The following CLDND1 variants were observed in gnomAD, a reference collection of about 807,000 sequenced individuals.
CLDND1 encodes the protein claudin domain containing 1.
Under a neutral mutation model 26.3 loss-of-function variants are expected in CLDND1, and 13 were observed. That is an observed-to-expected ratio of 0.49 (90% CI 0.32 to 0.78). The LOEUF (loss-of-function observed/expected upper bound fraction) is 0.78. Ranked by LOEUF, CLDND1 falls within the 30% of genes least tolerant of loss-of-function variation. CLDND1 has a pLI of 0.03. For synonymous variants in CLDND1, 107 were observed against 107.0 expected (o/e 1.00, Z 0.00); for missense variants, 289 against 312.8 (o/e 0.92, Z 0.57).
At chr3:98,520,975 T>G (rs139531675) in intron 2 of CLDND1, 158 bp downstream of exon 2, 90 of 644,282 alleles carry the variant, frequency 1.4e-4, no homozygotes, top group Middle Eastern at 4.2e-4. Context: ...TGCAAAGAAG[T>G]TGGGGAGAGA....
intron 2 of CLDND1, 173 bp downstream of exon 2, chr3:98,520,960 G>A (rs1020549117): frequency 1.8e-5 from 11 of 617,950 alleles, no homozygotes; most frequent in African/African-American, 1.5e-4. Flanking sequence ...TGAGTACCAT[G>A]GTAATGCAAA....
Position 98,516,833 on chromosome 3 carries a change from T to C in CLDND1, c.588A>G (p.Glu196=), listed in dbSNP as rs1310830271. The C allele has an allele frequency of 3.1e-6, 5 of 1,614,140 alleles. No homozygotes were observed. Among genetic ancestry groups the C allele is most frequent in the Non-Finnish European group, 4.2e-6 (5 of 1,180,010 alleles). The change falls in exon 5 of 5, where the codon GAA becomes GAG. Residue 196 remains glutamate (E), a synonymous_variant. Transcript: ENST00000341181. ...GSVSCYVAGI[E]LLHQKLELPD... ...GGAGCTCTAGTTTCTGGTGGAGTAGTTCAATTCCAGCAACATAACAACTTA... is the reference window on the plus strand; with the variant it reads ...GGAGCTCTAGTTTCTGGTGGAGTAGCTCAATTCCAGCAACATAACAACTTA...
chr3:98,520,336 C>A (rs1240338412), intron 2 of CLDND1, among the ~76,000 whole-genome samples: 1 of 152,078 alleles, frequency 6.6e-6, no homozygotes, highest in African/African-American at 2.4e-5. Context: ...ATCTTTTTTT[C>A]CAGATACAGT....
Position 98,516,860 on chromosome 3 carries a change from T to G in CLDND1, c.561A>C (p.Ser187=). 1 of 1,614,160 alleles carries G rather than the reference T, an allele frequency of 6.2e-7. No homozygotes were observed. Among genetic ancestry groups the G allele is most frequent in the East Asian group, 2.2e-5 (1 of 44,884 alleles). The change falls in exon 5 of 5, where the codon TCA becomes TCC. Residue 187 remains serine, a synonymous_variant. Coordinates refer to ENST00000341181, the MANE Select transcript of CLDND1 (RefSeq NM_001040181.2). ...HLLAGLCTLG[S]VSCYVAGIEL... ...CAATTCCAGCAACATAACAACTTAC[T>G]GAGCCCAGTGTACACAGACCTTGGG...
rs1000180428 is a variant in CLDND1 at position 98,522,687 on chromosome 3, C to G, written c.-19+162G>C. 1.1e-4 allele frequency: 159 copies of G among 1,463,088 alleles called. 1 individual carries two copies. In the Middle Eastern group the frequency reaches 1.5e-3, roughly 14 times the overall value. 90.6% of individuals were successfully genotyped at this position (1,463,088 alleles called of 1,614,324 possible). A position where few individuals can be genotyped will look rare whatever the true frequency, so the allele number is the denominator to read the frequency against. ...GGCCCCGGGCCAGGGTCCCCCGGTA[C>G]CCGACCAGGCCCCGCCCTAGAGGGC... On this transcript the variant is annotated intron_variant, in intron 1 of 4. Transcript: ENST00000341181.
chr3:98,516,576 T>G lies in CLDND1; in HGVS notation c.*83A>C, dbSNP rs1305743595. 6.8e-7 allele frequency: 1 copy of G among 1,471,152 alleles called. No homozygotes were observed. The highest frequency in any genetic ancestry group is 2.6e-5 in the Admixed American group (1 of 37,876). 91.1% of individuals were successfully genotyped at this position (1,471,152 alleles called of 1,614,324 possible). A position where few individuals can be genotyped will look rare whatever the true frequency, so the allele number is the denominator to read the frequency against. On this transcript the variant is annotated 3_prime_UTR_variant, in exon 5 of 5. Coordinates refer to ENST00000341181, the MANE Select transcript of CLDND1 (RefSeq NM_001040181.2). ...AAATGGTATATCCACAAATAAAAATTAAAAACAATTGAGAGGTGGGGAAAA... is the reference window on the plus strand; with the variant it reads ...AAATGGTATATCCACAAATAAAAATGAAAAACAATTGAGAGGTGGGGAAAA...
At chr3:98,517,466 C>G (rs1028554284) in intron 3 of CLDND1, 1 of 331,006 alleles carries the variant, frequency 3.0e-6, no homozygotes, top group African/African-American at 2.2e-5. Context: ...CTCCCAACAA[C>G]CCTAGAAAGT....
At chr3:98,519,051 T>G in intron 2 of CLDND1, 56 bp from the exon 3 acceptor site, 1 of 1,022,996 alleles carries the variant, frequency 9.8e-7, no homozygotes, top group Non-Finnish European at 1.5e-6. Flanking sequence ...CAAAAATCTC[T>G]TTCAGTAATT....
chr3:98,522,445 A>T, intron 1 of CLDND1: 1 of 775,944 alleles, frequency 1.3e-6, no homozygotes. Context: ...GAAGTGACTC[A>T]GGAAAGATAA....
intron 3 of CLDND1, among the ~76,000 whole-genome samples, chr3:98,517,769 T>C (rs1286171882): frequency 6.6e-6 from 1 of 152,158 alleles, no homozygotes; most frequent in Non-Finnish European, 1.5e-5. Context: ...TACAGCTGTA[T>C]TATTATTAAT....
chr3:98,521,582 G>C, intron 1 of CLDND1, 140 bp from the exon 2 acceptor site: 1 of 1,511,730 alleles, frequency 6.6e-7, no homozygotes, highest in African/African-American at 1.4e-5. Context: ...TTTTTAGAAA[G>C]CAAGCATGTT....
In CLDND1 at chr3:98,515,975, GGA is replaced by G; in HGVS notation, c.*682_*683del. 5 of 1,200,376 alleles carry G rather than the reference GGA, an allele frequency of 4.2e-6. No homozygotes were observed. The highest frequency in any genetic ancestry group is 5.3e-6 in the Non-Finnish European group (5 of 946,650). 74.4% of individuals were successfully genotyped at this position (1,200,376 alleles called of 1,614,324 possible). A position where few individuals can be genotyped will look rare whatever the true frequency, so the allele number is the denominator to read the frequency against. ...AATTTGGTGGTACTGAAAATCTTAC[GGA>G]GAGTTAAAAATAATACTAATCCTCG... On this transcript the variant is annotated 3_prime_UTR_variant, in exon 5 of 5. Transcript: ENST00000341181.
Position 98,522,850 on chromosome 3 carries a change from G to A in CLDND1, c.-20C>T. 21 of 1,613,750 alleles carry A rather than the reference G, an allele frequency of 1.3e-5. No individual in the cohort carries two copies. Among genetic ancestry groups the A allele is most frequent in the Non-Finnish European group, 1.7e-5 (20 of 1,179,734 alleles). ...GCGACGCAGGTCCCGCTCACTCACC[G>A]CCCATCCTCCTGCTCCGCCAGCTTC... On this transcript the variant is annotated splice_region_variant and 5_prime_UTR_variant, in exon 1 of 5. Transcript: ENST00000341181.
At chr3:98,522,334 C>G (rs1706457352) in intron 1 of CLDND1, 1 of 177,462 alleles carries the variant, frequency 5.6e-6, no homozygotes, top group Non-Finnish European at 1.1e-5. Flanking sequence ...CGCGCTGAGT[C>G]AAATACTACA....
At chr3:98,519,357 T>A (rs529561331) in intron 2 of CLDND1, among the ~76,000 whole-genome samples, 1 of 152,308 alleles carries the variant, frequency 6.6e-6, no homozygotes, top group Admixed American at 6.5e-5. Flanking sequence ...GAATGCCAAA[T>A]CCACACTTCC....
At chr3:98,519,830 C>A (rs1157161214) in intron 2 of CLDND1, among the ~76,000 whole-genome samples, 2 of 152,216 alleles carry the variant, frequency 1.3e-5, no homozygotes, top group African/African-American at 4.8e-5. Flanking sequence ...ACCTAAATGA[C>A]TTCCTCCCCA....
Position 98,515,526 on chromosome 3 carries a change from G to T in CLDND1, c.*1133C>A. ...TTTATTTTTTAAAAAAGACATTGAG[G>T]TTATGGTAAGAAATTATGAAGTTAC... On this transcript the variant is annotated 3_prime_UTR_variant, in exon 5 of 5. Coordinates refer to ENST00000341181, the MANE Select transcript of CLDND1 (RefSeq NM_001040181.2). The T allele has an allele frequency of 6.2e-6, 5 of 811,418 alleles. No individual in the cohort carries two copies. The highest frequency in any genetic ancestry group is 7.8e-6 in the Non-Finnish European group (5 of 643,292). 50.3% of individuals were successfully genotyped at this position (811,418 alleles called of 1,614,324 possible).
intron 1 of CLDND1, chr3:98,521,975 T>TC: frequency 2.4e-6 from 1 of 424,912 alleles, no homozygotes; most frequent in Non-Finnish European, 4.2e-6. Flanking sequence ...TTGAAGATGT[T>TC]TGTTAACCCC....
chr3:98,522,824 G>C lies in CLDND1; in HGVS notation c.-19+25C>G, dbSNP rs548171567. ...TGGAACCGCGACGCGACCCCTGCCCGGCGACGCAGGTCCCGCTCACTCACC... is the reference window on the plus strand; with the variant it reads ...TGGAACCGCGACGCGACCCCTGCCCCGCGACGCAGGTCCCGCTCACTCACC... On this transcript the variant is annotated intron_variant, in intron 1 of 4. Coordinates refer to ENST00000341181, the MANE Select transcript of CLDND1 (RefSeq NM_001040181.2). The C allele has an allele frequency of 2.5e-5, 41 of 1,613,696 alleles. No homozygotes were observed. The South Asian group carries it at 4.5e-4, about 18-fold the overall frequency.
Sources: gnomAD v4.1 joint callset for allele counts (sites outside exome capture counted in the v4.1 genomes callset) on GRCh38, gnomAD v4.1.1 for gene constraint, MANE v1.5 for transcripts, NCBI Gene and HGNC (gene_info 2026-07-23, HGNC 2026-07-21) for gene names.